ABCA13: variants seen among roughly 807,000 people sequenced by gnomAD.
ABCA13 encodes the protein ATP binding cassette subfamily A member 13.
In ABCA13, 476 loss-of-function variants were observed where a neutral mutation model predicts 478.7. The ratio of observed to expected loss-of-function variants is 0.99; its 90% CI spans 0.92 to 1.07. The LOEUF (loss-of-function observed/expected upper bound fraction) is 1.07, where lower values mean the gene tolerates loss of function less well. ABCA13 is among the 50% of genes least tolerant of loss of function. The pLI is 0.00. For missense variants in ABCA13, 6,060 were observed against 5,910.6 expected (o/e 1.03, Z -0.83); for synonymous variants, 2,252 against 2,158.9 (o/e 1.04, Z -1.20).
intron 59 of ABCA13, among the ~76,000 whole-genome samples, chr7:48,626,395 A>G (rs759775961): frequency 2.2e-4 from 33 of 152,208 alleles, no homozygotes; most frequent in Non-Finnish European, 3.4e-4. Context: ...GAGATGAACA[A>G]TGTAAACCAT....
intron 1 of ABCA13, among the ~76,000 whole-genome samples, chr7:48,179,358 C>G (rs914830488): frequency 1.3e-5 from 2 of 152,196 alleles, no homozygotes; most frequent in Non-Finnish European, 2.9e-5. Flanking sequence ...AAACCTTACC[C>G]GAGGTCAGCT....
intron 42 of ABCA13, among the ~76,000 whole-genome samples, chr7:48,429,562 G>A (rs1445710272): frequency 1.3e-5 from 2 of 152,104 alleles, no homozygotes; most frequent in Non-Finnish European, 2.9e-5. Context: ...AGGCTTCATG[G>A]CCACTTGTAT....
intron 9 of ABCA13, 151 bp from the exon 10 acceptor site, chr7:48,240,716 A>T (rs527401030): frequency 1.8e-6 from 1 of 546,088 alleles, no homozygotes; most frequent in African/African-American, 1.9e-5. Flanking sequence ...AAATTAAATC[A>T]TACTGCAATT....
chr7:48,354,405 A>AATTTGAG (rs1809561534), intron 31 of ABCA13, among the ~76,000 whole-genome samples: 1 of 152,036 alleles, frequency 6.6e-6, no homozygotes, highest in Non-Finnish European at 1.5e-5. Flanking sequence ...GGAAATCCAG[A>AATTTGAG]AATGGCCTGA....
At chr7:48,247,294 A>G (rs953423962) in intron 13 of ABCA13, among the ~76,000 whole-genome samples, 2 of 152,138 alleles carry the variant, frequency 1.3e-5, no homozygotes, top group Admixed American at 1.3e-4. Flanking sequence ...TGCAGGCACA[A>G]AAAACATTAC....
chr7:48,644,560 T>C, intron 60 of ABCA13, 57 bp from the exon 61 acceptor site: 2 of 1,524,506 alleles, frequency 1.3e-6, no homozygotes, highest in Admixed American at 4.4e-5. Context: ...GTATGATCAA[T>C]TTTGTTTAAT....
intron 35 of ABCA13, among the ~76,000 whole-genome samples, chr7:48,380,126 T>G (rs937629464): frequency 6.6e-6 from 1 of 152,240 alleles, no homozygotes; most frequent in South Asian, 2.1e-4. Context: ...AGCCTCATGT[T>G]AATCATCTCA....
At chr7:48,422,315 C>T (rs987262109) in intron 41 of ABCA13, among the ~76,000 whole-genome samples, 1 of 151,996 alleles carries the variant, frequency 6.6e-6, no homozygotes, top group African/African-American at 2.4e-5. Context: ...TTTATGCAGA[C>T]AGCCTGCTGT....
At chr7:48,531,091 A>G (rs531049537) in intron 55 of ABCA13, among the ~76,000 whole-genome samples, 2 of 152,028 alleles carry the variant, frequency 1.3e-5, no homozygotes, top group Non-Finnish European at 2.9e-5. Context: ...GGTTTTTCCG[A>G]TGTTATCTTC....
rs143886526 is a variant in ABCA13, at chr7:48,422,969, C to T, written c.12460-4797C>T. ...GGGAAAGTCCAGGGAGTATATTATC[C>T]CTTGATTTTAGCCCAGGAAGGCCCA... is the stretch of plus-strand genomic sequence containing the variant. On this transcript the variant is annotated intron_variant, in intron 41 of 61. Transcript: ENST00000435803. Among the ~76,000 whole-genome samples, 657 of 152,228 alleles carry T rather than the reference C, an allele frequency of 4.3e-3. 3 individuals carry two copies. Among genetic ancestry groups the T allele is most frequent in the African/African-American group, 0.015 (639 of 41,534 alleles).
At chr7:48,408,153 C>T (rs535886986) in intron 39 of ABCA13, among the ~76,000 whole-genome samples, 1 of 152,186 alleles carries the variant, frequency 6.6e-6, no homozygotes, top group Admixed American at 6.5e-5. Context: ...AGTCACCATG[C>T]TGTACAATAG....
chr7:48,571,425 A>C (rs1414417472), intron 55 of ABCA13, among the ~76,000 whole-genome samples: 4 of 152,018 alleles, frequency 2.6e-5, no homozygotes, highest in Non-Finnish European at 4.4e-5. Flanking sequence ...TCTCTCATTA[A>C]ATTTTAAAAG....
At chr7:48,323,794 G>A (rs1316513286) in intron 27 of ABCA13, among the ~76,000 whole-genome samples, 2 of 152,154 alleles carry the variant, frequency 1.3e-5, no homozygotes, top group Non-Finnish European at 1.5e-5. Context: ...TAATCCCCAC[G>A]TGTCAAGGGC....
At chr7:48,510,448 G>A (rs1563372369) in intron 50 of ABCA13, among the ~76,000 whole-genome samples, 1 of 152,190 alleles carries the variant, frequency 6.6e-6, no homozygotes, top group Admixed American at 6.5e-5. Context: ...GGGAGGTAGT[G>A]TGAGGAGCCT....
At chr7:48,576,891 C>T (rs12537664) in intron 55 of ABCA13, among the ~76,000 whole-genome samples, 24,858 of 152,000 alleles carry the variant, frequency 0.16, 2,240 homozygotes, top group East Asian at 0.29. Context: ...TGCTGTCAAA[C>T]CACAATGGAA....
At chr7:48,586,060 T>C (rs935217678) in intron 56 of ABCA13, among the ~76,000 whole-genome samples, 13 of 152,140 alleles carry the variant, frequency 8.5e-5, no homozygotes, top group African/African-American at 3.1e-4. Flanking sequence ...GTGACAATTA[T>C]TTTTTCTGAT....
chr7:48,271,666 A>G (rs1795625877), intron 16 of ABCA13, 121 bp from the exon 17 acceptor site: 3 of 577,446 alleles, frequency 5.2e-6, no homozygotes, highest in Non-Finnish European at 7.7e-6. Flanking sequence ...GTTGGAAATC[A>G]TGTTGTCTAT....
At chr7:48,363,291 G>A (rs1811170000) in intron 31 of ABCA13, among the ~76,000 whole-genome samples, 1 of 152,012 alleles carries the variant, frequency 6.6e-6, no homozygotes, top group African/African-American at 2.4e-5. Context: ...AATTGTCTTT[G>A]GTCTTAAATG....
At chr7:48,203,928 G>A (rs1784558135) in intron 3 of ABCA13, among the ~76,000 whole-genome samples, 1 of 152,150 alleles carries the variant, frequency 6.6e-6, no homozygotes, top group Admixed American at 6.5e-5. Context: ...CTCATTTGGT[G>A]GTCATCAATA....
Sources: allele counts gnomAD v4.1 joint callset (sites outside exome capture counted in the v4.1 genomes callset), GRCh38; gene constraint gnomAD v4.1.1; transcripts MANE v1.5; gene names NCBI Gene and HGNC (gene_info 2026-07-23, HGNC 2026-07-21).